The following EXD3 variants were observed in gnomAD, a reference collection of about 807,000 sequenced individuals.
EXD3 encodes exonuclease mut-7 homolog.
In EXD3, 92 loss-of-function variants were observed where a neutral mutation model predicts 98.0. That is an observed-to-expected ratio of 0.94 (90% CI 0.79 to 1.12). The LOEUF (loss-of-function observed/expected upper bound fraction) is 1.12. Ranked by LOEUF, EXD3 falls within the 50% of genes most tolerant of loss-of-function variation. The pLI is 0.00. For synonymous variants in EXD3, 569 were observed against 526.0 expected, an observed-to-expected ratio of 1.08 and a Z score of -1.12; for missense variants, 1,222 against 1,191.6, an observed-to-expected ratio of 1.03 and a Z score of -0.38.
At chr9:137,316,057 C>T (rs1229830569) in intron 19 of EXD3, among the ~76,000 whole-genome samples, 6 of 144,532 alleles carry the variant, frequency 4.2e-5, no homozygotes, top group South Asian at 2.3e-4. Context: ...CCCCTCCCCC[C>T]TCGCCCCCCA....
At chr9:137,417,317 G>C (rs1045175772) in intron 1 of EXD3, among the ~76,000 whole-genome samples, 1 of 152,218 alleles carries the variant, frequency 6.6e-6, no homozygotes, top group Non-Finnish European at 1.5e-5. Context: ...GGTGAGCACA[G>C]CACACCCCGG....
At chr9:137,327,130 G>A (rs7027646) in intron 17 of EXD3, among the ~76,000 whole-genome samples, 15,987 of 151,070 alleles carry the variant, frequency 0.11, 1,175 homozygotes, top group African/African-American at 0.2. Flanking sequence ...CTATTGGTAC[G>A]GAGTCTTTTT....
chr9:137,318,032 T>C (rs1325898185), intron 19 of EXD3, among the ~76,000 whole-genome samples: 1 of 151,860 alleles, frequency 6.6e-6, no homozygotes, highest in African/African-American at 2.4e-5. Flanking sequence ...CCTCTGTCTA[T>C]CAACTGAGCA....
At chr9:137,334,341 C>A (rs1471500125) in intron 17 of EXD3, among the ~76,000 whole-genome samples, 1 of 152,118 alleles carries the variant, frequency 6.6e-6, no homozygotes, top group Non-Finnish European at 1.5e-5. Flanking sequence ...GGGACTAATA[C>A]AGTATAGTTA....
intron 4 of EXD3, 143 bp downstream of exon 4, chr9:137,373,283 T>C: frequency 1.7e-6 from 2 of 1,180,004 alleles, no homozygotes; most frequent in Non-Finnish European, 2.4e-6. Flanking sequence ...GGGCTGAGTC[T>C]TGGCCATAGC....
At chr9:137,386,673 G>A (rs1369850271) in intron 2 of EXD3, among the ~76,000 whole-genome samples, 1 of 152,092 alleles carries the variant, frequency 6.6e-6, no homozygotes, top group African/African-American at 2.4e-5. Context: ...CATCCTCCCA[G>A]CCTCCAACCT....
rs186449338 is a variant in EXD3, at chr9:137,352,709, G to C, written c.948C>G (p.Ala316=). The C allele has an allele frequency of 3.2e-6, 5 of 1,567,120 alleles. No individual in the cohort carries two copies. The highest frequency in any genetic ancestry group is 1.7e-4 in the Middle Eastern group (1 of 6,004). ...LLVSHSDPVT[A]AQCAMELLLP... ...GCAAGAGTTCCATGGCACACTGGGCGGCCGTGACTGGGTCACTGTGGGAGA... is the reference window on the plus strand; with the variant it reads ...GCAAGAGTTCCATGGCACACTGGGCCGCCGTGACTGGGTCACTGTGGGAGA... The change falls in exon 11 of 22, where the codon GCC becomes GCG. Residue 316 remains alanine, a synonymous_variant. Coordinates refer to ENST00000340951, the MANE Select transcript of EXD3 (RefSeq NM_017820.5).
In EXD3 at chr9:137,324,270, G is replaced by T; in HGVS notation, c.1999-127C>A. Reference sequence around the variant, plus strand: ...CCCCAGGCCCCTTTTGTCCTCCAGGGTGGCCTCTGCCTGGGGTCTTGGGTG... The same window carrying T: ...CCCCAGGCCCCTTTTGTCCTCCAGGTTGGCCTCTGCCTGGGGTCTTGGGTG... On this transcript the variant is annotated intron_variant, in intron 17 of 21. Transcript: ENST00000340951. This position sits in a 1 kb window ranked among gnomAD's most constrained non-coding sequence, Gnocchi z 4.1. 1 of 776,560 alleles carries T rather than the reference G, an allele frequency of 1.3e-6. No individual in the cohort carries two copies. Among genetic ancestry groups the T allele is most frequent in the South Asian group, 1.8e-5 (1 of 57,096 alleles). The allele number at this position is 776,560 out of a possible 1,614,324, so 48.1% of individuals were successfully genotyped here. A position where few individuals can be genotyped will look rare whatever the true frequency, so the allele number is the denominator to read the frequency against.
intron 7 of EXD3, chr9:137,365,148 G>A (rs1001276249): frequency 2.6e-5 from 4 of 151,668 alleles, no homozygotes; most frequent in African/African-American, 9.7e-5. Context: ...CTGACGCTGT[G>A]CGGCTGCTGC....
chr9:137,314,398 G>A (rs1383420982), intron 19 of EXD3, among the ~76,000 whole-genome samples: 5 of 152,194 alleles, frequency 3.3e-5, no homozygotes, highest in Non-Finnish European at 5.9e-5. Context: ...TGGGGTGGGC[G>A]GAAGGCCGAG....
At chr9:137,326,989 G>GA (rs1832440833) in intron 17 of EXD3, among the ~76,000 whole-genome samples, 1 of 152,098 alleles carries the variant, frequency 6.6e-6, no homozygotes, top group Admixed American at 6.5e-5. Flanking sequence ...CACGCCGAGT[G>GA]AAAGATGCCA....
Position 137,385,252 on chromosome 9 carries a change from A to G in EXD3, c.56-1875T>C, listed in dbSNP as rs1218574324. 6.6e-6 allele frequency among the ~76,000 whole-genome samples: 1 copy of G among 152,142 alleles called. No individual in the cohort carries two copies. Among genetic ancestry groups the G allele is most frequent in the African/African-American group, 2.4e-5 (1 of 41,452 alleles). ...TGTGCTGCATACAGAGGCTGAGAAC[A>G]CTCAAATGTCCACTGTAGGAGGACG... On this transcript the variant is annotated intron_variant, in intron 2 of 21. Transcript: ENST00000340951. The surrounding 1 kb of genome is among the most constrained non-coding windows in gnomAD (Gnocchi z 4.4).
rs563738859 is a variant in EXD3 at position 137,347,930 on chromosome 9, C to T, written c.1998+141G>A. 2.1e-5 allele frequency: 22 copies of T among 1,049,726 alleles called. No homozygotes were observed. Among genetic ancestry groups the T allele is most frequent in the East Asian group, 1.6e-4 (6 of 37,934 alleles). 65.0% of individuals were successfully genotyped at this position (1,049,726 alleles called of 1,614,324 possible). A position where few individuals can be genotyped will look rare whatever the true frequency, so the allele number is the denominator to read the frequency against. The stretch of plus-strand genomic sequence containing the variant: ...CCAACCGCTCCATCCTTGGCCACCC[C>T]GTCCTGTTCCCAGAGCCTGCCTGGC... On this transcript the variant is annotated intron_variant, in intron 17 of 21. Coordinates refer to ENST00000340951, the MANE Select transcript of EXD3 (RefSeq NM_017820.5). This position sits in a 1 kb window ranked among gnomAD's most constrained non-coding sequence, Gnocchi z 4.2.
intron 2 of EXD3, 71 bp from the exon 3 acceptor site, chr9:137,383,448 G>A (rs1428981554): frequency 2.4e-6 from 3 of 1,241,540 alleles, no homozygotes; most frequent in African/African-American, 1.5e-5. Context: ...CCGCCGGGAA[G>A]TCCCTCCCAC....
chr9:137,319,890 A>G (rs28570264), intron 19 of EXD3, among the ~76,000 whole-genome samples: 15,514 of 152,260 alleles, frequency 0.1, 1,044 homozygotes, highest in African/African-American at 0.19. Flanking sequence ...CACCTGCCCA[A>G]GGGCATCCTG....
At chr9:137,408,223 C>T (rs544335775) in intron 1 of EXD3, among the ~76,000 whole-genome samples, 19 of 152,194 alleles carry the variant, frequency 1.2e-4, no homozygotes, top group Admixed American at 1.2e-3. Context: ...CTGCACGTGC[C>T]CCAAAGCTCC....
At chr9:137,329,978 GGGACTACACA>G (rs1282775429) in intron 17 of EXD3, among the ~76,000 whole-genome samples, 1 of 7,240 alleles carries the variant, frequency 1.4e-4, no homozygotes, top group Non-Finnish European at 2.4e-4. Flanking sequence ...GGAGCTACAC[GGGACTACACA>G]GGACTACACA....
intron 17 of EXD3, among the ~76,000 whole-genome samples, chr9:137,333,671 C>T (rs1833212185): frequency 6.6e-6 from 1 of 152,150 alleles, no homozygotes; most frequent in South Asian, 2.1e-4. Flanking sequence ...CCTGCCTTCA[C>T]CATGTGACAT....
rs544495274 is a variant in EXD3, at chr9:137,324,279, G to C, written c.1999-136C>G. The C allele has an allele frequency of 1.3e-4, 94 of 703,480 alleles. No individual in the cohort carries two copies. The highest frequency in any genetic ancestry group is 7.6e-4 in the Middle Eastern group (2 of 2,630). The allele number at this position is 703,480 out of a possible 1,614,324, so 43.6% of individuals were successfully genotyped here. A position where few individuals can be genotyped will look rare whatever the true frequency, so the allele number is the denominator to read the frequency against. ...CCTTTTGTCCTCCAGGGTGGCCTCT[G>C]CCTGGGGTCTTGGGTGGTGAGGAGC... On this transcript the variant is annotated intron_variant, in intron 17 of 21. Transcript: ENST00000340951. This position sits in a 1 kb window ranked among gnomAD's most constrained non-coding sequence, Gnocchi z 4.1.
Sources: allele counts gnomAD v4.1 joint callset (sites outside exome capture counted in the v4.1 genomes callset), GRCh38; gene constraint gnomAD v4.1.1; non-coding constraint Gnocchi (gnomAD v3.1); transcripts MANE v1.5; gene names NCBI Gene and HGNC (gene_info 2026-07-23, HGNC 2026-07-21).